Variants in LRP1B observed in about 807,000 individuals in gnomAD.
LRP1B encodes the protein low-density lipoprotein receptor-related protein 1B.
In LRP1B, 217 loss-of-function variants were observed where a neutral mutation model predicts 556.6. That is an observed-to-expected ratio of 0.39 (90% confidence interval 0.35 to 0.44). The LOEUF is 0.44. LRP1B is among the 20% of genes least tolerant of loss of function. LRP1B has a pLI of 1.00. For synonymous variants in LRP1B, 2,047 were observed against 1,865.8 expected (o/e 1.10, Z -2.50); for missense variants, 5,053 against 5,620.8 (o/e 0.90, Z 3.23).
chr2:141,454,829 C>T (rs1681569471), intron 3 of LRP1B, among the ~76,000 whole-genome samples: 1 of 152,146 alleles, frequency 6.6e-6, no homozygotes, highest in Non-Finnish European at 1.5e-5. Context: ...ATATACGAAG[C>T]TAGATCAATT....
rs368740619 is a variant in LRP1B at position 141,388,815 on chromosome 2, G to A, written c.343+91581C>T. ...TATTTAAAAATTCAGCAAATTTGCC[G>A]GGCACATGATTGACACACAAAAATT... On this transcript the variant is annotated intron_variant, in intron 3 of 90. Coordinates refer to ENST00000389484, the MANE Select transcript of LRP1B (RefSeq NM_018557.3). Among the ~76,000 whole-genome samples, 16 of 152,088 alleles carry A rather than the reference G, an allele frequency of 1.1e-4. No homozygotes were observed. The South Asian group carries it at 1.5e-3, about 14-fold the overall frequency.
chr2:140,277,535 C>A (rs186786505), intron 84 of LRP1B, among the ~76,000 whole-genome samples: 14 of 151,904 alleles, frequency 9.2e-5, no homozygotes, highest in Non-Finnish European at 1.6e-4. Flanking sequence ...TTCAGTGAGC[C>A]AAGATTGTGA....
At chr2:141,531,758 C>A (rs998256109) in intron 2 of LRP1B, among the ~76,000 whole-genome samples, 2 of 152,008 alleles carry the variant, frequency 1.3e-5, no homozygotes, top group African/African-American at 2.4e-5. Context: ...TCTGTTCTGA[C>A]AGATTAGGGT....
In LRP1B at chr2:141,771,586, T is replaced by C. The variant is rs117244207; in HGVS notation, c.205+38693A>G. On this transcript the variant is annotated intron_variant, in intron 2 of 90. Coordinates refer to ENST00000389484, the MANE Select transcript of LRP1B (RefSeq NM_018557.3). Reference sequence around the variant, plus strand: ...ACTTTAGAAGGAGGTTGCATAATTCTAGGACCTTTTTTTAAGAAATTGATT... The same window carrying C: ...ACTTTAGAAGGAGGTTGCATAATTCCAGGACCTTTTTTTAAGAAATTGATT... 3.7e-4 allele frequency among the ~76,000 whole-genome samples: 56 copies of C among 152,310 alleles called. 1 individual carries two copies. The East Asian group carries it at 9.1e-3, about 25-fold the overall frequency.
chr2:141,781,034 G>A (rs10928124), intron 2 of LRP1B, among the ~76,000 whole-genome samples: 28,445 of 152,026 alleles, frequency 0.19, 3,123 homozygotes, highest in East Asian at 0.38. Context: ...GAGAACATAA[G>A]AGAATAGAGA....
chr2:141,460,466 A>G (rs538139389), intron 3 of LRP1B, among the ~76,000 whole-genome samples: 1 of 152,314 alleles, frequency 6.6e-6, no homozygotes, highest in African/African-American at 2.4e-5. Context: ...TAGCAAGGTT[A>G]TACAGGGTTT....
At chr2:141,483,042 C>T (rs959131377) in intron 2 of LRP1B, among the ~76,000 whole-genome samples, 3 of 151,810 alleles carry the variant, frequency 2.0e-5, no homozygotes, top group Non-Finnish European at 2.9e-5. Flanking sequence ...ATACATGTGT[C>T]ATGTTGGTGT....
At chr2:140,365,285 A>G (rs951702496) in intron 71 of LRP1B, among the ~76,000 whole-genome samples, 1 of 151,700 alleles carries the variant, frequency 6.6e-6, no homozygotes, top group Non-Finnish European at 1.5e-5. Flanking sequence ...ATTTTTTAAT[A>G]GCAGTAAGAA....
chr2:140,967,619 G>A (rs1363768414), intron 18 of LRP1B, among the ~76,000 whole-genome samples: 1 of 151,852 alleles, frequency 6.6e-6, no homozygotes, highest in Non-Finnish European at 1.5e-5. Context: ...TCTTGTGCCA[G>A]TTTTCAAAGG....
chr2:140,655,770 G>A (rs1684857562), intron 41 of LRP1B, among the ~76,000 whole-genome samples: 1 of 152,032 alleles, frequency 6.6e-6, no homozygotes, highest in Non-Finnish European at 1.5e-5. Flanking sequence ...GTGAAACCCC[G>A]TCTCTACTAA....
At chr2:140,275,069 A>G (rs979222256) in intron 84 of LRP1B, among the ~76,000 whole-genome samples, 3 of 151,998 alleles carry the variant, frequency 2.0e-5, no homozygotes, top group African/African-American at 7.2e-5. Flanking sequence ...ACTGGAGGCT[A>G]TATGAGTAAG....
At chr2:140,845,938 G>A (rs1182872466) in intron 29 of LRP1B, among the ~76,000 whole-genome samples, 3 of 152,070 alleles carry the variant, frequency 2.0e-5, no homozygotes, top group Admixed American at 6.6e-5. Flanking sequence ...AAATTATAGA[G>A]TACAAAGACT....
At chr2:141,216,864 A>C (rs1053323369) in intron 6 of LRP1B, among the ~76,000 whole-genome samples, 59 of 152,296 alleles carry the variant, frequency 3.9e-4, no homozygotes, top group African/African-American at 1.3e-3. Flanking sequence ...GGTACAATGC[A>C]TATACCTCCA....
At chr2:141,324,458 G>A (rs1056109881) in intron 3 of LRP1B, among the ~76,000 whole-genome samples, 1 of 152,008 alleles carries the variant, frequency 6.6e-6, no homozygotes, top group African/African-American at 2.4e-5. Context: ...TTAACCGTTT[G>A]TCTCCTTTCT....
At chr2:141,349,858 C>G (rs191887597) in intron 3 of LRP1B, among the ~76,000 whole-genome samples, 3 of 151,830 alleles carry the variant, frequency 2.0e-5, no homozygotes, top group Admixed American at 2.0e-4. Context: ...AGTCAAGATA[C>G]AGGAAATATA....
At chr2:141,580,283 A>C (rs950276781) in intron 2 of LRP1B, among the ~76,000 whole-genome samples, 1 of 152,194 alleles carries the variant, frequency 6.6e-6, no homozygotes, top group Non-Finnish European at 1.5e-5. Flanking sequence ...TTTCTCCTGG[A>C]TTACATGATA....
chr2:140,992,963 T>C (rs1297366704), intron 16 of LRP1B, among the ~76,000 whole-genome samples: 3 of 152,044 alleles, frequency 2.0e-5, no homozygotes, highest in Non-Finnish European at 4.4e-5. Context: ...TTATAATTTA[T>C]GTGTTATGTA....
At chr2:141,734,301 T>C (rs1693385846) in intron 2 of LRP1B, among the ~76,000 whole-genome samples, 1 of 152,088 alleles carries the variant, frequency 6.6e-6, no homozygotes, top group Non-Finnish European at 1.5e-5. Flanking sequence ...AGAATAGCAA[T>C]AAATTTAATT....
At chr2:140,980,700 A>T (rs541528378) in intron 18 of LRP1B, among the ~76,000 whole-genome samples, 1 of 152,200 alleles carries the variant, frequency 6.6e-6, no homozygotes, top group Non-Finnish European at 1.5e-5. Flanking sequence ...TCAAAGAACT[A>T]AAAGTAGAAC....
Sources: gnomAD v4.1 joint callset for allele counts (sites outside exome capture counted in the v4.1 genomes callset) on GRCh38, gnomAD v4.1.1 for gene constraint, MANE v1.5 for transcripts, NCBI Gene and HGNC (gene_info 2026-07-23, HGNC 2026-07-21) for gene names.